ATF6: variants seen among roughly 807,000 people sequenced by gnomAD.
ATF6 encodes the protein activating transcription factor 6, also known as cyclic AMP-dependent transcription factor ATF-6 alpha.
ATF6 carries 53 observed loss-of-function variants against 83.6 expected under a neutral mutation model. The ratio of observed to expected loss-of-function variants is 0.63; its 90% CI spans 0.51 to 0.80. The LOEUF (loss-of-function observed/expected upper bound fraction) is 0.80, where lower values mean the gene tolerates loss of function less well. Ranked by LOEUF, ATF6 falls within the 30% of genes least tolerant of loss-of-function variation. The probability of loss-of-function intolerance (pLI) is 0.00; values close to 1 mark genes in which losing one functional copy is unlikely to be tolerated. For missense variants in ATF6, 744 were observed against 797.9 expected (o/e 0.93, Z 0.81); for synonymous variants, 288 against 285.8 (o/e 1.01, Z -0.08).
In ATF6 at chr1:161,866,759, GTTTGT is replaced by G. The variant is rs1441555067; in HGVS notation, c.1719+3451_1719+3455del. ...TAATGCCTTTTTTGTTTGTTTGTTT[GTTTGT>G]TTTAAGAGACAAGGTCTCTGTTGCC... On this transcript the variant is annotated intron_variant, in intron 14 of 15. Transcript: ENST00000367942. 5.7e-4 allele frequency among the ~76,000 whole-genome samples: 87 copies of G among 151,938 alleles called. 1 individual carries two copies. The highest frequency in any genetic ancestry group is 1.5e-5 in the Non-Finnish European group (1 of 67,970).
intron 10 of ATF6, among the ~76,000 whole-genome samples, chr1:161,851,088 A>G (rs1460641975): frequency 1.3e-5 from 2 of 149,482 alleles, no homozygotes; most frequent in African/African-American, 2.5e-5. Flanking sequence ...CGGCTTTTCA[A>G]CTCTTTCACT....
At chr1:161,827,087 A>G (rs1685922009) in intron 9 of ATF6, among the ~76,000 whole-genome samples, 1 of 152,000 alleles carries the variant, frequency 6.6e-6, no homozygotes, top group Non-Finnish European at 1.5e-5. Flanking sequence ...ACCTGCCACT[A>G]TGCCCAGCTA....
At chr1:161,798,310 T>G (rs929464271) in intron 6 of ATF6, among the ~76,000 whole-genome samples, 2 of 152,098 alleles carry the variant, frequency 1.3e-5, no homozygotes, top group Non-Finnish European at 2.9e-5. Flanking sequence ...AATTGACAAA[T>G]GGGATCTAAT....
chr1:161,899,544 T>A (rs1247396403), intron 14 of ATF6, among the ~76,000 whole-genome samples: 1 of 152,244 alleles, frequency 6.6e-6, no homozygotes, highest in East Asian at 1.9e-4. Flanking sequence ...GTGTAAAATT[T>A]AGATCATTTG....
At chr1:161,937,607 G>A (rs1688562836) in intron 15 of ATF6, among the ~76,000 whole-genome samples, 1 of 151,886 alleles carries the variant, frequency 6.6e-6, no homozygotes, top group Non-Finnish European at 1.5e-5. Flanking sequence ...GGATGAAGCT[G>A]GAAACCATCA....
rs1689075803 is a variant in ATF6 at position 161,960,539 on chromosome 1, C to G, written c.*1885C>G. 6.6e-6 allele frequency: 1 copy of G among 152,204 alleles called. No individual in the cohort carries two copies. The highest frequency in any genetic ancestry group is 2.4e-5 in the African/African-American group (1 of 41,456). 9.4% of individuals were successfully genotyped at this position (152,204 alleles called of 1,614,324 possible). ...CCTCTTTGTCCAAGCTAGTTAAATG[C>G]TTTCCAAGGAAATCAGTTCAACTTT... On this transcript the variant is annotated 3_prime_UTR_variant, in exon 16 of 16. Transcript: ENST00000367942.
At chr1:161,767,602 G>A (rs1684294562) in intron 1 of ATF6, among the ~76,000 whole-genome samples, 1 of 152,200 alleles carries the variant, frequency 6.6e-6, no homozygotes, top group South Asian at 2.1e-4. Flanking sequence ...TTTTAGAGAT[G>A]AGGAAACTGA....
intron 15 of ATF6, among the ~76,000 whole-genome samples, chr1:161,924,938 C>T (rs370480156): frequency 1.3e-5 from 2 of 152,278 alleles, no homozygotes; most frequent in South Asian, 2.1e-4. Flanking sequence ...GCTCTGTGGC[C>T]AACCAGTTTA....
rs368375338 is a variant in ATF6 at position 161,944,116 on chromosome 1, G to A, written c.1805-14330G>A. The stretch of plus-strand genomic sequence containing the variant: ...AGCATCAAAGCTAAAACCAAGACTG[G>A]TCTTCTGATCCACATGCAGTTTGGT... On this transcript the variant is annotated intron_variant, in intron 15 of 15. Coordinates refer to ENST00000367942, the MANE Select transcript of ATF6 (RefSeq NM_007348.4). Among the ~76,000 whole-genome samples, 5 of 152,172 alleles carry A rather than the reference G, an allele frequency of 3.3e-5. No individual in the cohort carries two copies. The East Asian group carries it at 9.6e-4, about 29-fold the overall frequency.
In ATF6 at chr1:161,920,294, C is replaced by CTCTTTTTTTTTTTTTTTTTTTT. The variant is rs1157916734; in HGVS notation, c.1804+7915_1804+7916insCTTTTTTTTTTTTTTTTTTTTT. ...TAGTTCTCTTTCTCTCTCTCTCTCT[C>CTCTTTTTTTTTTTTTTTTTTTT]TTTTTTTTTTTTTTTTTTGAGACAG... On this transcript the variant is annotated intron_variant, in intron 15 of 15. Coordinates refer to ENST00000367942, the MANE Select transcript of ATF6 (RefSeq NM_007348.4). Among the ~76,000 whole-genome samples the CTCTTTTTTTTTTTTTTTTTTTT allele has an allele frequency of 1.1e-4, 6 of 54,838 alleles. 1 individual carries two copies. The highest frequency in any genetic ancestry group is 8.9e-4 in the South Asian group (1 of 1,118). The allele number at this position is 54,838 out of a possible 152,430, so 36.0% of individuals were successfully genotyped here.
intron 1 of ATF6, among the ~76,000 whole-genome samples, chr1:161,769,999 C>T (rs548786557): frequency 5.3e-5 from 8 of 152,248 alleles, no homozygotes; most frequent in Admixed American, 4.6e-4. Flanking sequence ...GGTATAATGA[C>T]ATGTATCCAT....
At chr1:161,779,171 A>G (rs1056905261) in intron 2 of ATF6, among the ~76,000 whole-genome samples, 7 of 152,228 alleles carry the variant, frequency 4.6e-5, no homozygotes, top group African/African-American at 1.7e-4. Flanking sequence ...TCCATGAGAT[A>G]CTTTAGAATG....
chr1:161,913,920 AC>A (rs994651144), intron 15 of ATF6, among the ~76,000 whole-genome samples: 11 of 152,326 alleles, frequency 7.2e-5, no homozygotes, highest in African/African-American at 2.6e-4. Flanking sequence ...TTATTTTGTA[AC>A]AGTGAGCTAT....
At chr1:161,793,326 TAAAC>T (rs754430725) in intron 6 of ATF6, among the ~76,000 whole-genome samples, 8 of 152,138 alleles carry the variant, frequency 5.3e-5, no homozygotes, top group Non-Finnish European at 1.2e-4. Flanking sequence ...CCACCAAAAA[TAAAC>T]AGACAAACAA....
intron 9 of ATF6, among the ~76,000 whole-genome samples, chr1:161,837,987 T>G (rs1686263510): frequency 1.3e-5 from 2 of 152,178 alleles, no homozygotes; most frequent in Admixed American, 1.3e-4. Flanking sequence ...ACAATCTGCC[T>G]CTGGAGCCTT....
At chr1:161,785,050 A>G (rs1276571909) in intron 4 of ATF6, among the ~76,000 whole-genome samples, 2 of 152,150 alleles carry the variant, frequency 1.3e-5, no homozygotes, top group African/African-American at 4.8e-5. Context: ...TTACTTTTCC[A>G]GTCTCTTTTC....
At chr1:161,923,308 A>G (rs1380199768) in intron 15 of ATF6, among the ~76,000 whole-genome samples, 1 of 152,090 alleles carries the variant, frequency 6.6e-6, no homozygotes, top group East Asian at 1.9e-4. Flanking sequence ...ATATATACTT[A>G]GAGTTGGGAA....
At chr1:161,939,043 A>T (rs567489947) in intron 15 of ATF6, among the ~76,000 whole-genome samples, 10 of 152,106 alleles carry the variant, frequency 6.6e-5, no homozygotes, top group Non-Finnish European at 1.0e-4. Context: ...ATAGGCTTTC[A>T]TCTCGTCGCT....
At chr1:161,828,988 C>T (rs996374333) in intron 9 of ATF6, among the ~76,000 whole-genome samples, 12 of 152,086 alleles carry the variant, frequency 7.9e-5, no homozygotes, top group African/African-American at 2.7e-4. Context: ...CAATCCTAGT[C>T]TCTGATAAAA....
Sources: allele counts gnomAD v4.1 joint callset (sites outside exome capture counted in the v4.1 genomes callset), GRCh38; gene constraint gnomAD v4.1.1; transcripts MANE v1.5; gene names NCBI Gene and HGNC (gene_info 2026-07-23, HGNC 2026-07-21).